Variants in DGKG observed in about 807,000 individuals in gnomAD.
DGKG encodes DAG kinase gamma.
Under a neutral mutation model 105.3 loss-of-function variants are expected in DGKG, and 78 were observed. The observed-to-expected ratio is 0.74, with a 90% CI of 0.62 to 0.89. The LOEUF (loss-of-function observed/expected upper bound fraction) is 0.89, where lower values mean the gene tolerates loss of function less well. Among genes scored for constraint, DGKG ranks in the 40% least tolerant of loss-of-function variants. The probability of loss-of-function intolerance (pLI) is 0.00; values close to 1 mark genes in which losing one functional copy is unlikely to be tolerated. For synonymous variants in DGKG, 346 were observed against 367.1 expected, an observed-to-expected ratio of 0.94 and a Z score of 0.66; for missense variants, 958 against 1,020.1, an observed-to-expected ratio of 0.94 and a Z score of 0.83.
chr3:186,325,082 A>G (rs1560155560), intron 1 of DGKG, among the ~76,000 whole-genome samples: 2 of 152,274 alleles, frequency 1.3e-5, no homozygotes, highest in Admixed American at 6.5e-5. Context: ...GCTTGAGGCC[A>G]TTATCCAAAA....
At chr3:186,162,964 G>A (rs1055506959) in intron 23 of DGKG, among the ~76,000 whole-genome samples, 1 of 152,230 alleles carries the variant, frequency 6.6e-6, no homozygotes, top group Non-Finnish European at 1.5e-5. Context: ...AGAGGTGAAA[G>A]TGTTGCCTTC....
intron 22 of DGKG, among the ~76,000 whole-genome samples, chr3:186,179,504 C>T (rs2108493111): frequency 6.6e-6 from 1 of 152,308 alleles, no homozygotes; most frequent in South Asian, 2.1e-4. Flanking sequence ...ATCCAGGGAA[C>T]AAAATAATAT....
Position 186,211,898 on chromosome 3 carries a change from G to T in DGKG, c.1827-13C>A. ...CTTGTTCTTCATCCTGGACCACAAA[G>T]CAGAGAGATGTCTCAATATTCCATA... On this transcript the variant is annotated splice_polypyrimidine_tract_variant and intron_variant, in intron 20 of 24. Transcript: ENST00000265022. 1 of 1,601,822 alleles carries T rather than the reference G, an allele frequency of 6.2e-7. No individual in the cohort carries two copies. Among genetic ancestry groups the T allele is most frequent in the South Asian group, 1.1e-5 (1 of 90,812 alleles).
intron 7 of DGKG, chr3:186,281,095 T>G (rs2239626): frequency 5.3e-6 from 1 of 187,922 alleles, no homozygotes; most frequent in Non-Finnish European, 1.1e-5. Context: ...TACTTACAAA[T>G]CAAGGCAGAT....
rs761094386 is a variant in DGKG at position 186,298,124 on chromosome 3, T to G, written c.250A>C (p.Arg84=). 6.2e-7 allele frequency: 1 copy of G among 1,614,132 alleles called. No homozygotes were observed. Among genetic ancestry groups the G allele is most frequent in the South Asian group, 1.1e-5 (1 of 91,072 alleles). Residue 84 remains arginine (R), a synonymous_variant, in exon 4 of 25, where the codon AGA becomes CGA. Coordinates refer to ENST00000265022, the MANE Select transcript of DGKG (RefSeq NM_001346.3). The part of the protein sequence containing the change: ...HLFLAFSQKP[R]HETSDHPTEG... Reference sequence around the variant, plus strand: ...GTCGGGTGGTCAGAGGTCTCGTGTCTGGGCTTCTGGCTGAAGGCCAGGAAG... The same window carrying G: ...GTCGGGTGGTCAGAGGTCTCGTGTCGGGGCTTCTGGCTGAAGGCCAGGAAG...
chr3:186,175,510 G>C (rs554026011), intron 22 of DGKG, among the ~76,000 whole-genome samples: 3 of 152,196 alleles, frequency 2.0e-5, no homozygotes, highest in Admixed American at 6.5e-5. Context: ...TGCTTCAGAG[G>C]GGGAGGCAGT....
chr3:186,321,060 C>T (rs996097507), intron 1 of DGKG, among the ~76,000 whole-genome samples: 3 of 152,230 alleles, frequency 2.0e-5, no homozygotes, highest in Non-Finnish European at 4.4e-5. Context: ...CCTATGCAGC[C>T]GTTCTGTCCT....
chr3:186,200,234 G>C (rs2108510270), intron 21 of DGKG, among the ~76,000 whole-genome samples: 1 of 152,312 alleles, frequency 6.6e-6, no homozygotes, highest in African/African-American at 2.4e-5. Flanking sequence ...GCCATGTGGA[G>C]GAGTGTGGAG....
intron 1 of DGKG, among the ~76,000 whole-genome samples, chr3:186,335,590 G>T (rs1725795458): frequency 6.6e-6 from 1 of 152,138 alleles, no homozygotes; most frequent in Admixed American, 6.5e-5. Flanking sequence ...CTACCAAATT[G>T]TTAACAACTT....
intron 21 of DGKG, among the ~76,000 whole-genome samples, chr3:186,205,934 T>G (rs926648332): frequency 2.0e-5 from 3 of 152,154 alleles, no homozygotes; most frequent in Non-Finnish European, 2.9e-5. Context: ...GAGTAATTGA[T>G]GTGCAGAGAT....
intron 20 of DGKG, among the ~76,000 whole-genome samples, chr3:186,217,256 T>A (rs1719338665): frequency 6.6e-6 from 1 of 152,222 alleles, no homozygotes; most frequent in African/African-American, 2.4e-5. Context: ...TCCTGAGTAG[T>A]CTTTGGCCCA....
intron 1 of DGKG, among the ~76,000 whole-genome samples, chr3:186,325,950 T>G (rs1038234783): frequency 6.6e-6 from 1 of 152,208 alleles, no homozygotes; most frequent in Non-Finnish European, 1.5e-5. Context: ...CATCTCGTAC[T>G]TCCTCAGCTC....
At position 186,149,156 on chromosome 3, in the gene DGKG, T is replaced by C. The variant is rs1715639250; in HGVS notation, c.*934A>G. On this transcript the variant is annotated 3_prime_UTR_variant, in exon 25 of 25. Transcript: ENST00000265022. ...TTCCTTCCTTCCCATCTTTTCTGCC[T>C]TCAGGAATAGTCTGCCACCAGGGCT... 1 of 984,876 alleles carries C rather than the reference T, an allele frequency of 1.0e-6. No homozygotes were observed. Among genetic ancestry groups the C allele is most frequent in the Non-Finnish European group, 1.2e-6 (1 of 829,782 alleles). 61.0% of individuals were successfully genotyped at this position (984,876 alleles called of 1,614,324 possible).
intron 23 of DGKG, among the ~76,000 whole-genome samples, chr3:186,161,887 C>CTGTGTG (rs34580207): frequency 2.1e-4 from 31 of 150,296 alleles, no homozygotes; most frequent in African/African-American, 6.6e-4. Flanking sequence ...GTTTCTGTGT[C>CTGTGTG]TGTGTGTGTG....
intron 21 of DGKG, among the ~76,000 whole-genome samples, chr3:186,206,142 T>G (rs1241600771): frequency 6.6e-6 from 1 of 152,156 alleles, no homozygotes; most frequent in East Asian, 1.9e-4. Context: ...TCCCAGCACT[T>G]TGGGACGCCG....
chr3:186,341,124 C>T (rs542193623), intron 1 of DGKG, among the ~76,000 whole-genome samples: 6 of 152,120 alleles, frequency 3.9e-5, no homozygotes, highest in Non-Finnish European at 5.9e-5. Context: ...GTTTGAGGGG[C>T]GAGACTGTGA....
intron 20 of DGKG, among the ~76,000 whole-genome samples, chr3:186,233,689 C>T (rs4686415): frequency 0.95 from 144,142 of 152,176 alleles, 68,764 homozygotes; most frequent in East Asian, 1. Context: ...TTCACCGTGT[C>T]AGCCAGGATA....
chr3:186,280,811 C>G (rs928307369), intron 7 of DGKG, 67 bp from the exon 8 acceptor site: 1 of 1,414,518 alleles, frequency 7.1e-7, no homozygotes, highest in East Asian at 2.3e-5. Context: ...AAGAGCCGAA[C>G]TCAAAATTAA....
chr3:186,265,892 G>C (rs1239597203), intron 13 of DGKG, among the ~76,000 whole-genome samples: 1 of 151,902 alleles, frequency 6.6e-6, no homozygotes, highest in Non-Finnish European at 1.5e-5. Flanking sequence ...GGATGGTCTC[G>C]ATCCCTTGAC....
Sources: allele counts gnomAD v4.1 joint callset (sites outside exome capture counted in the v4.1 genomes callset), GRCh38; gene constraint gnomAD v4.1.1; transcripts MANE v1.5; gene names NCBI Gene and HGNC (gene_info 2026-07-23, HGNC 2026-07-21).